The following TTC7A variants were observed in gnomAD, a reference collection of about 807,000 sequenced individuals.
TTC7A encodes tetratricopeptide repeat domain 7A, also known as tetratricopeptide repeat protein 7A.
TTC7A carries 110 observed loss-of-function variants against 103.7 expected under a neutral mutation model. The observed-to-expected ratio is 1.06, with a 90% CI of 0.91 to 1.24. The LOEUF is 1.24. TTC7A is among the 50% of genes most tolerant of loss of function. The probability of loss-of-function intolerance (pLI) is 0.00; values close to 1 mark genes in which losing one functional copy is unlikely to be tolerated. For missense variants in TTC7A, 1,340 were observed against 1,116.3 expected, an observed-to-expected ratio of 1.20 and a Z score of -2.86; for synonymous variants, 521 against 467.9, an observed-to-expected ratio of 1.11 and a Z score of -1.47.
At position 46,985,352 on chromosome 2, in the gene TTC7A, C is replaced by T. The variant is rs868343488; in HGVS notation, c.764+6445C>T. On this transcript the variant is annotated intron_variant, in intron 5 of 19. Transcript: ENST00000319190. ...CATTTGAAAGTCTTGAAAGTCTTGG[C>T]GTGTAAGTAGCAGTCCCAGGACACG... Among the ~76,000 whole-genome samples, 8 of 152,278 alleles carry T rather than the reference C, an allele frequency of 5.3e-5. No individual in the cohort carries two copies. In the South Asian group the frequency reaches 1.2e-3, roughly 24 times the overall value.
intron 19 of TTC7A, among the ~76,000 whole-genome samples, chr2:47,064,667 A>G (rs965434349): frequency 6.6e-6 from 1 of 152,134 alleles, no homozygotes; most frequent in Non-Finnish European, 1.5e-5. Flanking sequence ...TGAGGAAACC[A>G]GGGAGTCCCA....
At position 46,978,694 on chromosome 2, in the gene TTC7A, A is replaced by C; in HGVS notation, c.649-98A>C. 9.4e-6 allele frequency: 8 copies of C among 849,198 alleles called. No homozygotes were observed. The Admixed American group carries it at 1.7e-4, about 18-fold the overall frequency. The allele number at this position is 849,198 out of a possible 1,614,324, so 52.6% of individuals were successfully genotyped here. On this transcript the variant is annotated intron_variant, in intron 4 of 19. Transcript: ENST00000319190. Reference sequence around the variant, plus strand: ...GAATGCAACAATGTGCCCCTGAACAACTGGGACTGGGATGGTGATGAGGCC... The same window carrying C: ...GAATGCAACAATGTGCCCCTGAACACCTGGGACTGGGATGGTGATGAGGCC...
intron 5 of TTC7A, 29 bp from the exon 6 acceptor site, chr2:46,993,421 C>CA (rs1449846550): frequency 3.1e-6 from 5 of 1,612,186 alleles, no homozygotes; most frequent in Non-Finnish European, 4.2e-6. Context: ...AGGCTGGTAA[C>CA]AAATCTACTT....
chr2:46,994,257 A>G lies in TTC7A; in HGVS notation c.844-100A>G, dbSNP rs17036011. 1,001 of 1,414,202 alleles carry G rather than the reference A, an allele frequency of 7.1e-4. 12 individuals are homozygous for G. In the African/African-American group the frequency reaches 0.013, roughly 18 times the overall value. The allele number at this position is 1,414,202 out of a possible 1,614,324, so 87.6% of individuals were successfully genotyped here. On this transcript the variant is annotated intron_variant, in intron 6 of 19. Transcript: ENST00000319190. ...TTTACCCAAAGGGCCGCACATTGCA[A>G]GCGGGGCAGATTTAGCTGGGATGGG...
intron 5 of TTC7A, among the ~76,000 whole-genome samples, chr2:46,990,356 T>C (rs537101035): frequency 7.1e-4 from 108 of 152,276 alleles, no homozygotes; most frequent in Non-Finnish European, 1.3e-3. Context: ...AAGGAGCTTC[T>C]TGTGGGGGGC....
At position 47,073,721 on chromosome 2, in the gene TTC7A, T is replaced by G. The variant is rs751226836; in HGVS notation, c.2375T>G (p.Leu792Arg). 3.1e-6 allele frequency: 5 copies of G among 1,613,122 alleles called. No homozygotes were observed. The highest frequency in any genetic ancestry group is 8.5e-7 in the Non-Finnish European group (1 of 1,179,394). ...MHSLGLMLSR[L>R]GHKSLAQKVL... is the part of the protein sequence containing the mutation. ...CCACAGGGTCTGATGCTGAGTCGGC[T>G]GGGCCACAAGAGCTTGGCCCAGAAG... Residue 792 changes from leucine to arginine, a missense_variant, in exon 20 of 20, where the codon CTG (leucine) becomes CGG (arginine). Transcript: ENST00000319190.
chr2:47,054,828 C>A, intron 18 of TTC7A, among the ~76,000 whole-genome samples: 1 of 138,614 alleles, frequency 7.2e-6, no homozygotes. Flanking sequence ...GGAGTGAGAC[C>A]CTGTCTCAAA....
chr2:47,006,829 G>A, intron 10 of TTC7A, 105 bp downstream of exon 10: 1 of 936,756 alleles, frequency 1.1e-6, no homozygotes, highest in Non-Finnish European at 1.7e-6. Flanking sequence ...GTATTATCCT[G>A]CCGCTGGTTT....
chr2:47,038,264 A>C, intron 15 of TTC7A, among the ~76,000 whole-genome samples: 1 of 151,588 alleles, frequency 6.6e-6, no homozygotes, highest in Non-Finnish European at 1.5e-5. Flanking sequence ...ATCTCAAAAA[A>C]AAAAAAAAAA....
intron 16 of TTC7A, chr2:47,047,319 G>C (rs1219587291): frequency 5.8e-6 from 9 of 1,548,822 alleles, no homozygotes; most frequent in Non-Finnish European, 7.0e-6. Flanking sequence ...ATCTGTAACA[G>C]TGAAATTTAC....
At chr2:47,014,574 C>T (rs987111471) in intron 11 of TTC7A, among the ~76,000 whole-genome samples, 2 of 152,220 alleles carry the variant, frequency 1.3e-5, no homozygotes, top group Admixed American at 1.3e-4. Context: ...ACTCTCTGTT[C>T]CTGAGGCTCA....
chr2:46,926,778 A>C (rs541867904), intron 2 of TTC7A, among the ~76,000 whole-genome samples: 1 of 152,366 alleles, frequency 6.6e-6, no homozygotes, highest in Non-Finnish European at 1.5e-5. Flanking sequence ...CACAAACTAG[A>C]AGAAAGAGCA....
intron 3 of TTC7A, among the ~76,000 whole-genome samples, chr2:46,968,289 G>A (rs1341409371): frequency 3.3e-5 from 5 of 152,198 alleles, no homozygotes; most frequent in East Asian, 3.8e-4. Context: ...GGCCCTTGCC[G>A]GTGGGAATCA....
At position 47,073,974 on chromosome 2, in the gene TTC7A, G is replaced by C. The variant is rs370400954; in HGVS notation, c.*51G>C. The C allele has an allele frequency of 1.7e-5, 26 of 1,503,856 alleles. No homozygotes were observed. Among genetic ancestry groups the C allele is most frequent in the South Asian group, 1.2e-5 (1 of 85,722 alleles). 93.2% of individuals were successfully genotyped at this position (1,503,856 alleles called of 1,614,324 possible). On this transcript the variant is annotated 3_prime_UTR_variant, in exon 20 of 20. Coordinates refer to ENST00000319190, the MANE Select transcript of TTC7A (RefSeq NM_020458.4). The stretch of plus-strand genomic sequence containing the variant: ...GGGCTGGCCAGAGGGAGAGGCAGCA[G>C]GGAACGTGGGTCAGGGTGGGGCAAC...
At chr2:47,024,606 A>G (rs2104565214) in intron 14 of TTC7A, among the ~76,000 whole-genome samples, 1 of 152,090 alleles carries the variant, frequency 6.6e-6, no homozygotes. Context: ...CCCCTACAAC[A>G]TTTCAGTGGA....
chr2:47,052,629 A>G (rs932342074), intron 18 of TTC7A, among the ~76,000 whole-genome samples: 2 of 152,198 alleles, frequency 1.3e-5, no homozygotes, highest in African/African-American at 2.4e-5. Flanking sequence ...TTACCCTGAC[A>G]GTAGTGTGAG....
At chr2:47,048,788 A>C (rs1206562499) in intron 16 of TTC7A, among the ~76,000 whole-genome samples, 2 of 152,054 alleles carry the variant, frequency 1.3e-5, no homozygotes, top group African/African-American at 4.8e-5. Context: ...TTTTTTGTAG[A>C]GATGGGGTCA....
upstream of TTC7A, among the ~76,000 whole-genome samples, chr2:46,936,908 G>A (rs549522443): frequency 6.7e-5 from 10 of 150,126 alleles, no homozygotes; most frequent in South Asian, 2.1e-3. Context: ...AGGCTGGAGT[G>A]CAGTGGCACG....
intron 8 of TTC7A, among the ~76,000 whole-genome samples, chr2:47,003,669 C>T (rs116079162): frequency 0.039 from 5,904 of 152,338 alleles, 151 homozygotes; most frequent in Middle Eastern, 0.071. Flanking sequence ...CCTGGCTCCA[C>T]CCGCTCCCAT....
Sources: gnomAD v4.1 joint callset for allele counts (sites outside exome capture counted in the v4.1 genomes callset) on GRCh38, gnomAD v4.1.1 for gene constraint, MANE v1.5 for transcripts, NCBI Gene and HGNC (gene_info 2026-07-23, HGNC 2026-07-21) for gene names.